NRXN1: variants seen among roughly 807,000 people sequenced by gnomAD.
NRXN1 encodes neurexin-1.
In NRXN1, 39 loss-of-function variants were observed where a neutral mutation model predicts 150.9. That is an observed-to-expected ratio of 0.26 (90% CI 0.20 to 0.34). The LOEUF (loss-of-function observed/expected upper bound fraction) is 0.34, where lower values mean the gene tolerates loss of function less well. NRXN1 is among the 10% of genes least tolerant of loss of function. NRXN1 has a pLI of 1.00. For missense variants in NRXN1, 1,815 were observed against 1,949.9 expected, an observed-to-expected ratio of 0.93 and a Z score of 1.30; for synonymous variants, 924 against 757.0, an observed-to-expected ratio of 1.22 and a Z score of -3.62.
At chr2:50,084,562 G>A (rs781634102) in intron 19 of NRXN1, among the ~76,000 whole-genome samples, 1 of 152,142 alleles carries the variant, frequency 6.6e-6, no homozygotes, top group South Asian at 2.1e-4. Flanking sequence ...AGCGCCGCAC[G>A]CAGCCCCGGT....
At chr2:50,729,507 A>C (rs1697812150) in intron 5 of NRXN1, among the ~76,000 whole-genome samples, 1 of 152,222 alleles carries the variant, frequency 6.6e-6, no homozygotes, top group Non-Finnish European at 1.5e-5. Context: ...GCCACAGTGC[A>C]AGACTATGCT....
chr2:50,344,202 A>T (rs574621005), intron 17 of NRXN1, among the ~76,000 whole-genome samples: 1 of 152,172 alleles, frequency 6.6e-6, no homozygotes, highest in South Asian at 2.1e-4. Context: ...CTCTGCACTC[A>T]CACCTCACCC....
chr2:50,976,819 C>A (rs569149963), intron 2 of NRXN1, among the ~76,000 whole-genome samples: 38 of 152,018 alleles, frequency 2.5e-4, no homozygotes, highest in Non-Finnish European at 4.9e-4. Flanking sequence ...AAATAACATT[C>A]CAAATGTCCT....
At position 50,597,618 on chromosome 2, in the gene NRXN1, G is replaced by A. The variant is rs182602443; in HGVS notation, c.1320+22404C>T. 1.1e-3 allele frequency among the ~76,000 whole-genome samples: 175 copies of A among 152,238 alleles called. No homozygotes were observed. In the Middle Eastern group the frequency reaches 0.02, roughly 18 times the overall value. ...TCCAAATGTTCAACACCTCCTCCAT[G>A]TGAATGGCTCCTCATCTCTCTTCTG... On this transcript the variant is annotated intron_variant, in intron 8 of 22. Coordinates refer to ENST00000401669, the MANE Select transcript of NRXN1 (RefSeq NM_001330078.2).
intron 9 of NRXN1, among the ~76,000 whole-genome samples, chr2:50,546,796 T>C (rs1247339568): frequency 6.6e-6 from 1 of 152,172 alleles, no homozygotes; most frequent in Non-Finnish European, 1.5e-5. Context: ...TTTCCTCTGA[T>C]GAATAGTGGT....
At chr2:50,050,126 G>A (rs1692461426) in intron 21 of NRXN1, among the ~76,000 whole-genome samples, 1 of 148,142 alleles carries the variant, frequency 6.8e-6, no homozygotes, top group Admixed American at 6.8e-5. Context: ...TAAACATTGG[G>A]CTGAAAATTG....
At position 50,506,585 on chromosome 2, in the gene NRXN1, T is replaced by G. The variant is rs1304223371; in HGVS notation, c.2407A>C (p.Asn803His). 6.2e-7 allele frequency: 1 copy of G among 1,613,452 alleles called. No homozygotes were observed. Among genetic ancestry groups the G allele is most frequent in the Non-Finnish European group, 8.5e-7 (1 of 1,179,568 alleles). Reference protein sequence around the residue: ...KGPETLFAGYNLNDNEWHTVR... With the variant: ...KGPETLFAGYHLNDNEWHTVR... Reference sequence around the variant, plus strand: ...GTGTGCCACTCGTTATCATTGAGGTTATAGCCAGCAAAAAGAGTCTCGGGA... The same window carrying G: ...GTGTGCCACTCGTTATCATTGAGGTGATAGCCAGCAAAAAGAGTCTCGGGA... The change falls in exon 13 of 23, where the codon AAC (asparagine) becomes CAC (histidine). Residue 803 changes from asparagine (N) to histidine (H), a missense_variant. Asn to His is a moderately conservative substitution (Grantham distance 68, BLOSUM62 1). This residue lies in a region of NRXN1 where 638 missense variants were observed against 652.6 expected (regional missense o/e 0.98). Coordinates refer to ENST00000401669, the MANE Select transcript of NRXN1 (RefSeq NM_001330078.2).
chr2:50,475,773 T>C (rs1299982189), intron 15 of NRXN1, among the ~76,000 whole-genome samples: 1 of 151,980 alleles, frequency 6.6e-6, no homozygotes, highest in Non-Finnish European at 1.5e-5. Context: ...GGTTGCCACA[T>C]GAAGAGAACA....
intron 18 of NRXN1, among the ~76,000 whole-genome samples, chr2:50,182,028 G>C (rs1251107043): frequency 6.8e-6 from 1 of 147,292 alleles, no homozygotes; most frequent in African/African-American, 2.5e-5. Context: ...AGCTTCAAGG[G>C]AAAGGAAAAA....
At chr2:50,498,962 G>A (rs1011081719) in intron 13 of NRXN1, among the ~76,000 whole-genome samples, 3 of 152,192 alleles carry the variant, frequency 2.0e-5, no homozygotes, top group African/African-American at 7.2e-5. Context: ...GCTAATCCCA[G>A]AATCAGCCCC....
At chr2:50,222,338 A>C (rs565955666) in intron 18 of NRXN1, among the ~76,000 whole-genome samples, 6 of 152,096 alleles carry the variant, frequency 3.9e-5, no homozygotes, top group African/African-American at 1.4e-4. Flanking sequence ...AACACACTCA[A>C]ATTAAATACA....
chr2:50,651,643 T>A (rs1253401172), intron 5 of NRXN1, among the ~76,000 whole-genome samples: 1 of 151,922 alleles, frequency 6.6e-6, no homozygotes, highest in Non-Finnish European at 1.5e-5. Flanking sequence ...AATGACACAG[T>A]AAAACTCTAT....
chr2:50,531,850 G>C (rs924548348), intron 10 of NRXN1, among the ~76,000 whole-genome samples: 19 of 151,902 alleles, frequency 1.3e-4, no homozygotes, highest in African/African-American at 4.4e-4. Context: ...TTTGGGTTTT[G>C]TTGTTGTTTG....
chr2:50,467,502 A>G (rs2089017208), intron 16 of NRXN1, among the ~76,000 whole-genome samples: 1 of 151,568 alleles, frequency 6.6e-6, no homozygotes, highest in South Asian at 2.1e-4. Flanking sequence ...TAAATAGATG[A>G]TTTTGAAAAT....
At chr2:50,157,932 G>A (rs182595604) in intron 18 of NRXN1, among the ~76,000 whole-genome samples, 3 of 151,804 alleles carry the variant, frequency 2.0e-5, no homozygotes, top group Admixed American at 2.0e-4. Flanking sequence ...GGATTTAGGA[G>A]TAATCCCCCG....
chr2:50,436,660 AACCAGTC>A (rs2085475287), intron 17 of NRXN1, among the ~76,000 whole-genome samples: 1 of 152,322 alleles, frequency 6.6e-6, no homozygotes, highest in Non-Finnish European at 1.5e-5. Context: ...TGAGTAGCAG[AACCAGTC>A]ATGGAATCAA....
chr2:49,944,965 T>C (rs1217287699), intron 21 of NRXN1: 3 of 152,174 alleles, frequency 2.0e-5, no homozygotes, highest in African/African-American at 4.8e-5. Context: ...TTTAAGAAAG[T>C]TGTGGCATTT....
intron 5 of NRXN1, among the ~76,000 whole-genome samples, chr2:50,764,971 A>G (rs9309196): frequency 0.35 from 53,632 of 151,858 alleles, 10,626 homozygotes; most frequent in East Asian, 0.6. Context: ...TCAAAGTTCA[A>G]TGGTCTATAA....
rs200949210 is a variant in NRXN1 at position 50,949,186 on chromosome 2, A to G, written c.773-23231T>C. ...TTAAATTATATACATAAATTTTATT[A>G]CATATTCTTATCTCCATAATAACAT... On this transcript the variant is annotated intron_variant, in intron 2 of 22. Coordinates refer to ENST00000401669, the MANE Select transcript of NRXN1 (RefSeq NM_001330078.2). Among the ~76,000 whole-genome samples the G allele has an allele frequency of 3.9e-5, 6 of 152,074 alleles. No individual in the cohort carries two copies. The East Asian group carries it at 1.2e-3, about 29-fold the overall frequency.
Sources: gnomAD v4.1 joint callset for allele counts (sites outside exome capture counted in the v4.1 genomes callset) on GRCh38, gnomAD v4.1.1 for gene constraint, gnomAD v4.1.1 regional missense constraint, MANE v1.5 for transcripts, NCBI Gene and HGNC (gene_info 2026-07-23, HGNC 2026-07-21) for gene names.